SNX24: variants seen among roughly 807,000 people sequenced by gnomAD.
SNX24 encodes the protein sorting nexin 24.
Under a neutral mutation model 28.7 loss-of-function variants are expected in SNX24, and 22 were observed. The observed-to-expected ratio is 0.77, with a 90% CI of 0.55 to 1.10. The LOEUF is 1.10. Among genes scored for constraint, SNX24 ranks in the 50% least tolerant of loss-of-function variants. SNX24 has a pLI of 0.00. For missense variants in SNX24, 221 were observed against 201.1 expected (o/e 1.10, Z -0.60); for synonymous variants, 69 against 71.5 (o/e 0.96, Z 0.18).
chr5:122,891,742 C>G (rs1240856581), intron 1 of SNX24, among the ~76,000 whole-genome samples: 1 of 152,164 alleles, frequency 6.6e-6, no homozygotes, highest in Non-Finnish European at 1.5e-5. Flanking sequence ...CTTTTTCAAA[C>G]CCTTGTTATG....
chr5:122,964,645 T>G (rs1232586950), intron 3 of SNX24, among the ~76,000 whole-genome samples: 1 of 152,160 alleles, frequency 6.6e-6, no homozygotes, highest in Non-Finnish European at 1.5e-5. Flanking sequence ...ACTTTTTTAT[T>G]ATGGAAATTT....
chr5:122,987,184 TA>T (rs889390062), intron 3 of SNX24, among the ~76,000 whole-genome samples: 3 of 149,840 alleles, frequency 2.0e-5, no homozygotes, highest in African/African-American at 4.9e-5. Context: ...ATGAGGGAGA[TA>T]AAAGGAGAAG....
intron 1 of SNX24, among the ~76,000 whole-genome samples, chr5:122,877,955 C>CT (rs1427322288): frequency 2.6e-5 from 4 of 152,248 alleles, no homozygotes; most frequent in Non-Finnish European, 4.4e-5. Flanking sequence ...GATGTCCACT[C>CT]TGTTCAGATG....
chr5:122,984,612 T>C (rs1443474511), intron 3 of SNX24, among the ~76,000 whole-genome samples: 1 of 152,212 alleles, frequency 6.6e-6, no homozygotes, highest in African/African-American at 2.4e-5. Context: ...GTTATCGCAG[T>C]TGGGAAGCTT....
chr5:122,997,424 A>T (rs978905862), intron 3 of SNX24, among the ~76,000 whole-genome samples: 3 of 152,180 alleles, frequency 2.0e-5, no homozygotes, highest in African/African-American at 7.2e-5. Flanking sequence ...AAGCAATGTG[A>T]TCATCTGTTT....
At chr5:123,028,875 A>T in intron 5 of SNX24, 1 of 1,582,602 alleles carries the variant, frequency 6.3e-7, no homozygotes, top group Non-Finnish European at 8.7e-7. Flanking sequence ...CTTTCTAAAG[A>T]GATTACTTCA....
At chr5:122,917,141 C>T (rs907335533) in intron 1 of SNX24, among the ~76,000 whole-genome samples, 8 of 151,870 alleles carry the variant, frequency 5.3e-5, no homozygotes, top group African/African-American at 1.7e-4. Context: ...TTGGCGTGCA[C>T]CTGTAGTCGA....
chr5:123,006,519 T>A (rs1379365680), intron 6 of SNX24, among the ~76,000 whole-genome samples: 1 of 152,262 alleles, frequency 6.6e-6, no homozygotes, highest in African/African-American at 2.4e-5. Flanking sequence ...ATTCTCCAGC[T>A]GGCAGCCAGA....
chr5:122,892,913 G>A (rs569472527), intron 1 of SNX24, among the ~76,000 whole-genome samples: 3 of 151,794 alleles, frequency 2.0e-5, no homozygotes, highest in African/African-American at 4.8e-5. Context: ...TTACAGGCAC[G>A]TGCCACCATG....
intron 3 of SNX24, among the ~76,000 whole-genome samples, chr5:122,980,174 A>T (rs953691850): frequency 2.0e-5 from 3 of 152,148 alleles, no homozygotes; most frequent in Admixed American, 6.5e-5. Flanking sequence ...GCCAACTTTA[A>T]TTTTTTGCAA....
intron 1 of SNX24, among the ~76,000 whole-genome samples, chr5:122,850,790 TAAA>T (rs151007728): frequency 0.13 from 17,469 of 137,216 alleles, 1,362 homozygotes; most frequent in East Asian, 0.36. Flanking sequence ...GCATAAAAGT[TAAA>T]AAAAAAAAAA....
chr5:122,908,872 G>A (rs1004248921), intron 1 of SNX24, among the ~76,000 whole-genome samples: 1 of 152,194 alleles, frequency 6.6e-6, no homozygotes, highest in African/African-American at 2.4e-5. Flanking sequence ...CTCTTGTGTT[G>A]AAGGGAAGGA....
chr5:122,954,642 A>G (rs960749208), intron 3 of SNX24, among the ~76,000 whole-genome samples: 32 of 152,006 alleles, frequency 2.1e-4, no homozygotes, highest in Admixed American at 4.6e-4. Context: ...TACGCTAGAT[A>G]TAGGAATCTG....
At chr5:122,917,947 G>T (rs1324545585) in intron 1 of SNX24, among the ~76,000 whole-genome samples, 1 of 152,130 alleles carries the variant, frequency 6.6e-6, no homozygotes, top group Non-Finnish European at 1.5e-5. Flanking sequence ...GGGCATGGTG[G>T]TGGGCGCCTG....
chr5:122,992,578 G>A (rs1189102608), intron 3 of SNX24, among the ~76,000 whole-genome samples: 2 of 152,106 alleles, frequency 1.3e-5, no homozygotes, highest in Non-Finnish European at 2.9e-5. Context: ...CCCAGCTCAA[G>A]GGTCACTTCC....
Position 122,997,625 on chromosome 5 carries a change from T to TA in SNX24, c.250-2285dup, listed in dbSNP as rs1297396780. ...TCCCTAAATCTTGCATTAATAAACC[T>TA]AAGTAACCCCCTGAACACTCAAGAG... On this transcript the variant is annotated intron_variant, in intron 3 of 6. Coordinates refer to ENST00000261369, the MANE Select transcript of SNX24 (RefSeq NM_014035.4). 5.3e-5 allele frequency among the ~76,000 whole-genome samples: 8 copies of TA among 152,348 alleles called. No homozygotes were observed. The East Asian group carries it at 1.5e-3, about 29-fold the overall frequency.
chr5:122,989,287 G>T (rs986553881), intron 3 of SNX24, among the ~76,000 whole-genome samples: 3 of 152,192 alleles, frequency 2.0e-5, no homozygotes, highest in Non-Finnish European at 4.4e-5. Context: ...ATCAGGGATT[G>T]CATTTCCTTG....
chr5:123,023,924 C>A, intron 5 of SNX24: 1 of 1,614,036 alleles, frequency 6.2e-7, no homozygotes, highest in Non-Finnish European at 8.5e-7. Flanking sequence ...GTCTATCTTG[C>A]CACTGTTGAT....
chr5:122,883,379 GTATT>G (rs1411105972), intron 1 of SNX24, among the ~76,000 whole-genome samples: 3 of 152,014 alleles, frequency 2.0e-5, no homozygotes, highest in Admixed American at 6.6e-5. Flanking sequence ...AGCATTTTCT[GTATT>G]TATTAATATA....
Sources: gnomAD v4.1 joint callset for allele counts (sites outside exome capture counted in the v4.1 genomes callset) on GRCh38, gnomAD v4.1.1 for gene constraint, MANE v1.5 for transcripts, NCBI Gene and HGNC (gene_info 2026-07-23, HGNC 2026-07-21) for gene names.